The following ADAMTS16 variants were observed in gnomAD, a reference collection of about 807,000 sequenced individuals.
ADAMTS16 encodes ADAM metallopeptidase with thrombospondin type 1 motif 16, also known as A disintegrin and metalloproteinase with thrombospondin motifs 16.
In ADAMTS16, 94 loss-of-function variants were observed where a neutral mutation model predicts 145.8. The ratio of observed to expected loss-of-function variants is 0.64; its 90% CI spans 0.55 to 0.77. The LOEUF (loss-of-function observed/expected upper bound fraction) is 0.77, where lower values mean the gene tolerates loss of function less well. Among genes scored for constraint, ADAMTS16 ranks in the 30% least tolerant of loss-of-function variants. The probability of loss-of-function intolerance (pLI) is 0.00; values close to 1 mark genes in which losing one functional copy is unlikely to be tolerated. For missense variants in ADAMTS16, 1,585 were observed against 1,591.5 expected, an observed-to-expected ratio of 1.00 and a Z score of 0.07; for synonymous variants, 659 against 604.3, an observed-to-expected ratio of 1.09 and a Z score of -1.33.
At chr5:5,238,164 T>C (rs971156920) in intron 14 of ADAMTS16, among the ~76,000 whole-genome samples, 7 of 152,186 alleles carry the variant, frequency 4.6e-5, no homozygotes, top group African/African-American at 1.2e-4. Flanking sequence ...TGTCTAATTG[T>C]TAATTGATGT....
intron 9 of ADAMTS16, among the ~76,000 whole-genome samples, chr5:5,205,093 G>GTT (rs151287559): frequency 1.3e-5 from 2 of 151,284 alleles, no homozygotes; most frequent in Admixed American, 6.6e-5. Flanking sequence ...AATAGACCCT[G>GTT]TTTTTTTTCT....
chr5:5,162,008 A>T (rs114585097), intron 3 of ADAMTS16, among the ~76,000 whole-genome samples: 3,901 of 152,308 alleles, frequency 0.026, 67 homozygotes, highest in Middle Eastern at 0.031. Context: ...AGTGTACCCC[A>T]GTACCAAGGC....
intron 3 of ADAMTS16, among the ~76,000 whole-genome samples, chr5:5,180,588 C>T (rs1380909841): frequency 6.6e-6 from 1 of 152,180 alleles, no homozygotes; most frequent in Non-Finnish European, 1.5e-5. Context: ...AACAATTTCT[C>T]TTCAGTCATC....
chr5:5,260,304 T>C (rs1178593591), intron 17 of ADAMTS16, among the ~76,000 whole-genome samples: 1 of 152,238 alleles, frequency 6.6e-6, no homozygotes, highest in Non-Finnish European at 1.5e-5. Flanking sequence ...TTCTTACATT[T>C]CCAGAGTTTA....
chr5:5,231,296 A>T (rs1736914981), intron 11 of ADAMTS16, among the ~76,000 whole-genome samples: 1 of 152,224 alleles, frequency 6.6e-6, no homozygotes, highest in Non-Finnish European at 1.5e-5. Flanking sequence ...AATTGTTCTT[A>T]CTTAAATAGC....
rs567662788 is a variant in ADAMTS16 at position 5,185,038 on chromosome 5, G to A, written c.764-1014G>A. Among the ~76,000 whole-genome samples, 5 of 152,236 alleles carry A rather than the reference G, an allele frequency of 3.3e-5. No individual in the cohort carries two copies. The East Asian group carries it at 9.7e-4, about 29-fold the overall frequency. On this transcript the variant is annotated intron_variant, in intron 4 of 22. Transcript: ENST00000274181. ...CTTAGAACCCCATGCTCAGCCTGGG[G>A]TACAGACTGCACGAGTTACACAGAG...
chr5:5,229,126 G>T (rs550875761), intron 11 of ADAMTS16, among the ~76,000 whole-genome samples: 1 of 151,216 alleles, frequency 6.6e-6, no homozygotes, highest in Non-Finnish European at 1.5e-5. Context: ...GTGAAACCCC[G>T]TCTCTACTAA....
At chr5:5,174,607 A>T (rs996866648) in intron 3 of ADAMTS16, among the ~76,000 whole-genome samples, 1 of 152,114 alleles carries the variant, frequency 6.6e-6, no homozygotes, top group African/African-American at 2.4e-5. Flanking sequence ...ACAATTTTCT[A>T]GATCTTGTAG....
chr5:5,180,038 T>TGTCTGG, intron 3 of ADAMTS16, among the ~76,000 whole-genome samples: 1 of 152,312 alleles, frequency 6.6e-6, no homozygotes, highest in African/African-American at 2.4e-5. Context: ...ACTGTACAAA[T>TGTCTGG]GTCTGGACTC....
In ADAMTS16 at chr5:5,272,666, C is replaced by T. The variant is rs553150462; in HGVS notation, c.2789+9883C>T. 3.9e-5 allele frequency among the ~76,000 whole-genome samples: 6 copies of T among 152,268 alleles called. No individual in the cohort carries two copies. The South Asian group carries it at 6.2e-4, about 16-fold the overall frequency. On this transcript the variant is annotated intron_variant, in intron 18 of 22. Coordinates refer to ENST00000274181, the MANE Select transcript of ADAMTS16 (RefSeq NM_139056.4). ...AGGCGTGAGCCACTGCCCCCGGCCC[C>T]AAAGGATTTTTAACAAGGGGCCTGG...
intron 2 of ADAMTS16, 143 bp downstream of exon 2, chr5:5,140,909 T>A (rs373421786): frequency 6.0e-6 from 4 of 671,608 alleles, no homozygotes; most frequent in Non-Finnish European, 9.1e-6. Context: ...TTTTTTTTTT[T>A]AACTGTATGA....
At chr5:5,215,640 C>T (rs4702246) in intron 10 of ADAMTS16, among the ~76,000 whole-genome samples, 35,815 of 150,032 alleles carry the variant, frequency 0.24, 5,523 homozygotes, top group East Asian at 0.64. Context: ...CCAGTCTCAT[C>T]GCTCACTGCA....
Position 5,310,635 on chromosome 5 carries a change from T to C in ADAMTS16, c.3411+3907T>C, listed in dbSNP as rs1468902186. On this transcript the variant is annotated intron_variant, in intron 21 of 22. Transcript: ENST00000274181. This position sits in a 1 kb window ranked among gnomAD's most constrained non-coding sequence, Gnocchi z 4.3. ...GAGGCAGGCATCGGAGTGGTGCCCA[T>C]ATGACAAAGAACACCGAGGACTGCC... 6.6e-6 allele frequency among the ~76,000 whole-genome samples: 1 copy of C among 152,038 alleles called. No homozygotes were observed. The highest frequency in any genetic ancestry group is 2.4e-5 in the African/African-American group (1 of 41,400).
At chr5:5,254,479 G>A (rs140068164) in intron 17 of ADAMTS16, among the ~76,000 whole-genome samples, 1 of 151,878 alleles carries the variant, frequency 6.6e-6, no homozygotes, top group Non-Finnish European at 1.5e-5. Flanking sequence ...AAACATACAA[G>A]TACCTATATT....
rs140833803 is a variant in ADAMTS16, at chr5:5,297,523, T to G, written c.2790-5745T>G. On this transcript the variant is annotated intron_variant, in intron 18 of 22. Coordinates refer to ENST00000274181, the MANE Select transcript of ADAMTS16 (RefSeq NM_139056.4). ...ACGAGGGAATTACTGAGGCTGTCTG[T>G]TTTGAAAAGCGAGGTCAGTTTCTTT... Among the ~76,000 whole-genome samples the G allele has an allele frequency of 6.2e-4, 95 of 152,302 alleles. 1 individual carries two copies. In the East Asian group the frequency reaches 0.016, roughly 26 times the overall value.
In ADAMTS16 at chr5:5,182,251, G is replaced by C. The variant is rs115892769; in HGVS notation, c.709G>C (p.Asp237His). Residue 237 changes from aspartate to histidine, a missense_variant, in exon 4 of 23, where the codon GAC (aspartate) becomes CAC (histidine). This residue lies in a region of ADAMTS16 where 453 missense variants were observed against 412.1 expected (regional missense o/e 1.10). Coordinates refer to ENST00000274181, the MANE Select transcript of ADAMTS16 (RefSeq NM_139056.4). Reference sequence around the variant, plus strand: ...GGCACATCAACCCCTGCACAGCAGCGACCTTCGCCTGGGACTGCCACAAAA... The same window carrying C: ...GGCACATCAACCCCTGCACAGCAGCCACCTTCGCCTGGGACTGCCACAAAA... ...ELAHQPLHSS[D>H]LRLGLPQKQH... 1.2e-6 allele frequency: 2 copies of C among 1,613,930 alleles called. No individual in the cohort carries two copies. The highest frequency in any genetic ancestry group is 1.7e-6 in the Non-Finnish European group (2 of 1,179,938).
Position 5,231,633 on chromosome 5 carries a change from A to G in ADAMTS16, c.1702-735A>G, listed in dbSNP as rs1437012909. On this transcript the variant is annotated intron_variant, in intron 11 of 22. Coordinates refer to ENST00000274181, the MANE Select transcript of ADAMTS16 (RefSeq NM_139056.4). ...TTAAAATCTTAGAAGTTCATACCAA[A>G]CCACCCAGGGAACCACCGCTGTTGG... Among the ~76,000 whole-genome samples, 3 of 152,124 alleles carry G rather than the reference A, an allele frequency of 2.0e-5. No individual in the cohort carries two copies. In the East Asian group the frequency reaches 5.8e-4, roughly 29 times the overall value.
intron 2 of ADAMTS16, among the ~76,000 whole-genome samples, chr5:5,143,170 C>T (rs1734209297): frequency 6.6e-6 from 1 of 152,058 alleles, no homozygotes; most frequent in South Asian, 2.1e-4. Flanking sequence ...GCAAAAGAAA[C>T]TATCATCAGA....
chr5:5,301,486 C>T (rs1403871536), intron 18 of ADAMTS16, among the ~76,000 whole-genome samples: 1 of 152,234 alleles, frequency 6.6e-6, no homozygotes, highest in Admixed American at 6.5e-5. Context: ...AAGCAACAGT[C>T]GTAGTGATGT....
Sources: gnomAD v4.1 joint callset for allele counts (sites outside exome capture counted in the v4.1 genomes callset) on GRCh38, gnomAD v4.1.1 for gene constraint, gnomAD v4.1.1 regional missense constraint, Gnocchi (gnomAD v3.1) non-coding constraint, MANE v1.5 for transcripts, NCBI Gene and HGNC (gene_info 2026-07-23, HGNC 2026-07-21) for gene names.